ATP10B: variants seen among roughly 807,000 people sequenced by gnomAD.
ATP10B encodes the protein ATPase phospholipid transporting 10B (putative).
ATP10B carries 122 observed loss-of-function variants against 141.2 expected under a neutral mutation model. The observed-to-expected ratio is 0.86, with a 90% CI of 0.75 to 1.00. The LOEUF is 1.00. ATP10B is among the 50% of genes least tolerant of loss of function. ATP10B has a pLI of 0.00. For synonymous variants in ATP10B, 685 were observed against 692.0 expected (o/e 0.99, Z 0.16); for missense variants, 1,876 against 1,825.3 (o/e 1.03, Z -0.51).
chr5:160,610,436 C>T (rs983255403), intron 18 of ATP10B, among the ~76,000 whole-genome samples: 10 of 152,154 alleles, frequency 6.6e-5, no homozygotes, highest in African/African-American at 2.4e-4. Flanking sequence ...AGCTTGAGTG[C>T]AACCTCAAGG....
chr5:160,794,893 G>A (rs529743296), intron 1 of ATP10B, among the ~76,000 whole-genome samples: 1 of 152,168 alleles, frequency 6.6e-6, no homozygotes, highest in Admixed American at 6.5e-5. Context: ...ACTCTTTATT[G>A]TTATTGTTGT....
chr5:160,590,699 C>A (rs1199160265), intron 23 of ATP10B, among the ~76,000 whole-genome samples: 1 of 152,070 alleles, frequency 6.6e-6, no homozygotes, highest in African/African-American at 2.4e-5. Context: ...AAGTAGGAAA[C>A]AGTTAATGAG....
chr5:160,566,296 T>C (rs1273123979), intron 25 of ATP10B, among the ~76,000 whole-genome samples: 2 of 152,222 alleles, frequency 1.3e-5, no homozygotes, highest in African/African-American at 4.8e-5. Context: ...ATCCAAAGAC[T>C]TGTCTCTTTT....
intron 3 of ATP10B, among the ~76,000 whole-genome samples, chr5:160,698,146 T>C (rs1055571314): frequency 6.6e-6 from 1 of 152,082 alleles, no homozygotes; most frequent in Non-Finnish European, 1.5e-5. Context: ...TTCTAGGTAT[T>C]TCAACTTTAA....
chr5:160,700,776 G>T (rs189279820), intron 3 of ATP10B, among the ~76,000 whole-genome samples: 6 of 152,230 alleles, frequency 3.9e-5, no homozygotes, highest in Non-Finnish European at 2.9e-5. Flanking sequence ...GGAATTTCAA[G>T]AAAGATCCAA....
At chr5:160,829,743 A>T (rs1413135832) in intron 1 of ATP10B, among the ~76,000 whole-genome samples, 2 of 151,584 alleles carry the variant, frequency 1.3e-5, no homozygotes, top group Non-Finnish European at 2.9e-5. Context: ...ATATTCTTCG[A>T]CTCTTAGCCT....
chr5:160,837,334 G>A (rs1193243438), intron 1 of ATP10B, among the ~76,000 whole-genome samples: 1 of 152,170 alleles, frequency 6.6e-6, no homozygotes, highest in Non-Finnish European at 1.5e-5. Flanking sequence ...AATCATAAAT[G>A]GCTTGAGGTC....
At position 160,646,120 on chromosome 5, in the gene ATP10B, CA is replaced by C. The variant is rs548139482; in HGVS notation, c.762-1877del. ...AAGCTCAGAGTGGCTGAGATTTTTC[CA>C]AGGCTATACAACTAGTACATGAGAC... is the stretch of plus-strand genomic sequence containing the variant. On this transcript the variant is annotated intron_variant, in intron 8 of 25. Coordinates refer to ENST00000327245, the MANE Select transcript of ATP10B (RefSeq NM_025153.3). Among the ~76,000 whole-genome samples the C allele has an allele frequency of 1.9e-3, 286 of 152,054 alleles. 1 individual carries two copies. Among genetic ancestry groups the C allele is most frequent in the Non-Finnish European group, 2.9e-3 (200 of 67,972 alleles).
chr5:160,586,518 G>T (rs757294100), intron 24 of ATP10B, among the ~76,000 whole-genome samples: 1 of 152,198 alleles, frequency 6.6e-6, no homozygotes, highest in Non-Finnish European at 1.5e-5. Context: ...GGGTCAAATG[G>T]TATTTCTGGT....
At position 160,727,108 on chromosome 5, in the gene ATP10B, C is replaced by T. The variant is rs561021252; in HGVS notation, c.-330-10074G>A. Among the ~76,000 whole-genome samples the T allele has an allele frequency of 8.4e-4, 128 of 152,326 alleles. 1 individual carries two copies. The highest frequency in any genetic ancestry group is 1.5e-3 in the South Asian group (7 of 4,816). ...ATCAGGACTTTCTGAGGCTGTGTCA[C>T]GGATGGGTCCTCAACCTTGGCAAAA... On this transcript the variant is annotated intron_variant, in intron 2 of 25. Coordinates refer to ENST00000327245, the MANE Select transcript of ATP10B (RefSeq NM_025153.3).
At chr5:160,569,719 T>C in intron 24 of ATP10B, 36 bp from the exon 25 acceptor site, 2 of 1,462,206 alleles carry the variant, frequency 1.4e-6, no homozygotes, top group South Asian at 1.4e-5. Context: ...GTTGAAGGTA[T>C]AGCTGAGATT....
intron 2 of ATP10B, among the ~76,000 whole-genome samples, chr5:160,740,800 A>G (rs1450788596): frequency 6.6e-6 from 1 of 152,214 alleles, no homozygotes; most frequent in East Asian, 1.9e-4. Flanking sequence ...ATGTTTCTTC[A>G]CTTGGGCATT....
At chr5:160,830,776 A>G (rs965223619) in intron 1 of ATP10B, among the ~76,000 whole-genome samples, 2 of 152,122 alleles carry the variant, frequency 1.3e-5, no homozygotes, top group Non-Finnish European at 2.9e-5. Flanking sequence ...GACAGCAAAT[A>G]TAATGGAATC....
upstream of ATP10B, among the ~76,000 whole-genome samples, chr5:160,856,589 A>G (rs1399442255): frequency 2.7e-5 from 4 of 150,734 alleles, no homozygotes; most frequent in East Asian, 7.7e-4. Context: ...TCTCAGTCTC[A>G]GGGGGAAAAT....
At chr5:160,846,867 A>G (rs1036195709) in intron 1 of ATP10B, among the ~76,000 whole-genome samples, 25 of 152,206 alleles carry the variant, frequency 1.6e-4, no homozygotes, top group African/African-American at 6.0e-4. Context: ...TTTCTCTGGT[A>G]TAAGTTCCTA....
At chr5:160,903,522 A>C in the ATP10B span, among the ~76,000 whole-genome samples, 5,155 of 152,246 alleles carry the variant, frequency 0.034, 304 homozygotes, top group African/African-American at 0.12. Flanking sequence ...ACTTGCAATA[A>C]CACGAATCTG....
the ATP10B span, among the ~76,000 whole-genome samples, chr5:160,924,834 G>C: frequency 2.0e-5 from 3 of 152,124 alleles, 1 homozygote; most frequent in Non-Finnish European, 4.4e-5. Flanking sequence ...CCTCAAAATG[G>C]CCAGGTCCAG....
chr5:160,837,951 T>C (rs943518221), intron 1 of ATP10B, among the ~76,000 whole-genome samples: 1 of 152,218 alleles, frequency 6.6e-6, no homozygotes. Context: ...ATCAGGATTC[T>C]GTAATGTAGT....
At chr5:160,602,805 A>G in intron 20 of ATP10B, 103 bp from the exon 21 acceptor site, 11 of 1,507,450 alleles carry the variant, frequency 7.3e-6, no homozygotes, top group Non-Finnish European at 9.9e-6. Context: ...CGGCCAGCAG[A>G]GTCCTAAAGA....
Sources: gnomAD v4.1 joint callset for allele counts (sites outside exome capture counted in the v4.1 genomes callset) on GRCh38, gnomAD v4.1.1 for gene constraint, MANE v1.5 for transcripts, NCBI Gene and HGNC (gene_info 2026-07-23, HGNC 2026-07-21) for gene names.